Variants in CRY1 observed in about 807,000 individuals in gnomAD.
CRY1 encodes the protein cryptochrome circadian regulator 1, also known as cryptochrome-1.
A neutral mutation model predicts 76.0 loss-of-function variants in CRY1; 45 were observed. The observed-to-expected ratio is 0.59, with a 90% CI of 0.47 to 0.76. The LOEUF (loss-of-function observed/expected upper bound fraction) is 0.76. Among genes scored for constraint, CRY1 ranks in the 30% least tolerant of loss-of-function variants. The probability of loss-of-function intolerance (pLI) is 0.00; values close to 1 mark genes in which losing one functional copy is unlikely to be tolerated. For synonymous variants in CRY1, 248 were observed against 244.0 expected (o/e 1.02, Z -0.15); for missense variants, 587 against 716.4 (o/e 0.82, Z 2.06).
chr12:107,067,552 C>A (rs1346516166), intron 1 of CRY1, among the ~76,000 whole-genome samples: 1 of 150,398 alleles, frequency 6.6e-6, no homozygotes, highest in African/African-American at 2.5e-5. Flanking sequence ...AGACTTTTCT[C>A]TTTTCAAAGG....
At chr12:107,047,724 C>T (rs1036215039) in intron 1 of CRY1, among the ~76,000 whole-genome samples, 82 of 152,242 alleles carry the variant, frequency 5.4e-4, no homozygotes, top group African/African-American at 1.9e-3. Context: ...TCAATTAAAC[C>T]TCTTTTCTTT....
chr12:107,009,560 AAAC>A lies in CRY1; in HGVS notation c.268-4315_268-4313del, dbSNP rs1466317628. 1.3e-4 allele frequency among the ~76,000 whole-genome samples: 4 copies of A among 31,074 alleles called. 1 individual carries two copies. Among genetic ancestry groups the A allele is most frequent in the South Asian group, 1.4e-3 (1 of 690 alleles). The allele number at this position is 31,074 out of a possible 152,430, so 20.4% of individuals were successfully genotyped here. On this transcript the variant is annotated intron_variant, in intron 2 of 12. Coordinates refer to ENST00000008527, the MANE Select transcript of CRY1 (RefSeq NM_004075.5). ...TCTCAGAAAAAACAAAAAAACAAAA[AAAC>A]ATATATATATATATATATATATATA...
chr12:107,057,950 G>C (rs1953003535), intron 1 of CRY1, among the ~76,000 whole-genome samples: 1 of 151,744 alleles, frequency 6.6e-6, no homozygotes, highest in African/African-American at 2.4e-5. Context: ...TGTGGTCCCA[G>C]TTACTCAGGA....
chr12:107,001,403 C>T (rs771544337), intron 4 of CRY1, 35 bp from the exon 5 acceptor site: 33 of 1,532,312 alleles, frequency 2.2e-5, no homozygotes, highest in Admixed American at 7.7e-5. Flanking sequence ...ATCATTCTTC[C>T]GAAACTAATT....
chr12:107,068,680 T>C (rs1593536336), intron 1 of CRY1, among the ~76,000 whole-genome samples: 1 of 152,116 alleles, frequency 6.6e-6, no homozygotes, highest in African/African-American at 2.4e-5. Context: ...TCTATCTAGT[T>C]CCAAAACATT....
chr12:107,030,773 G>A (rs1238251063), intron 1 of CRY1, among the ~76,000 whole-genome samples: 2 of 152,040 alleles, frequency 1.3e-5, no homozygotes, highest in African/African-American at 2.4e-5. Flanking sequence ...CTAACTGTGT[G>A]GGGGTGGGGA....
chr12:107,015,365 G>A (rs1429461805), intron 2 of CRY1, among the ~76,000 whole-genome samples: 6 of 149,952 alleles, frequency 4.0e-5, no homozygotes, highest in African/African-American at 2.5e-5. Flanking sequence ...TTTGAGACAA[G>A]GTCTCACTCT....
intron 1 of CRY1, among the ~76,000 whole-genome samples, chr12:107,026,720 T>C (rs1952620222): frequency 6.6e-6 from 1 of 151,686 alleles, no homozygotes; most frequent in Non-Finnish European, 1.5e-5. Flanking sequence ...TAGCACATGG[T>C]AGATATGTAT....
chr12:106,998,659 AAC>A (rs10522970), intron 7 of CRY1, among the ~76,000 whole-genome samples: 3,350 of 143,380 alleles, frequency 0.023, 44 homozygotes, highest in African/African-American at 0.045. Context: ...TAAGAGATTA[AAC>A]ACACACACAC....
intron 1 of CRY1, among the ~76,000 whole-genome samples, chr12:107,074,593 T>C (rs2136895431): frequency 6.6e-6 from 1 of 152,338 alleles, no homozygotes; most frequent in African/African-American, 2.4e-5. Context: ...GAATGAATTT[T>C]ATGTCAAATT....
chr12:106,993,511 C>T (rs975818693), intron 10 of CRY1, among the ~76,000 whole-genome samples: 8 of 151,718 alleles, frequency 5.3e-5, no homozygotes, highest in Non-Finnish European at 7.4e-5. Flanking sequence ...CTAGCCTAAG[C>T]AATCCTATCA....
intron 1 of CRY1, among the ~76,000 whole-genome samples, chr12:107,039,750 T>C (rs1009449605): frequency 2.6e-5 from 4 of 152,278 alleles, no homozygotes; most frequent in South Asian, 2.1e-4. Flanking sequence ...GAAAAAAGCA[T>C]AGAGGTTCCT....
intron 1 of CRY1, chr12:107,049,843 T>C (rs956326947): frequency 6.6e-5 from 10 of 152,232 alleles, no homozygotes; most frequent in African/African-American, 2.4e-4. Context: ...ATGTATTTAG[T>C]TTGAAGTGCC....
chr12:107,032,577 C>A (rs1026226427), intron 1 of CRY1, among the ~76,000 whole-genome samples: 9 of 152,092 alleles, frequency 5.9e-5, no homozygotes, highest in Non-Finnish European at 1.3e-4. Context: ...AGACTTCAGG[C>A]CAGGCACGGT....
rs1952306304 is a variant in CRY1 at position 107,001,270 on chromosome 12, A to C, written c.684+10T>G. On this transcript the variant is annotated intron_variant, in intron 5 of 12. Transcript: ENST00000008527. Reference sequence around the variant, plus strand: ...ATACAAGCATAGCTATATAATCTACATTATCATACTTTTCTTTCCAAATGC... The same window carrying C: ...ATACAAGCATAGCTATATAATCTACCTTATCATACTTTTCTTTCCAAATGC... 2 of 1,600,180 alleles carry C rather than the reference A, an allele frequency of 1.2e-6. No individual in the cohort carries two copies. The highest frequency in any genetic ancestry group is 1.7e-6 in the Non-Finnish European group (2 of 1,170,354).
chr12:107,042,117 C>A (rs1402813740), intron 1 of CRY1, among the ~76,000 whole-genome samples: 1 of 152,054 alleles, frequency 6.6e-6, no homozygotes, highest in Non-Finnish European at 1.5e-5. Context: ...TGAGTCTGTA[C>A]TTTTATAAAT....
At chr12:107,027,768 C>T (rs1013671408) in intron 1 of CRY1, among the ~76,000 whole-genome samples, 6 of 152,058 alleles carry the variant, frequency 3.9e-5, no homozygotes, top group African/African-American at 9.7e-5. Context: ...AACCAGTGGA[C>T]GGTTTAGTAT....
chr12:107,026,004 T>C (rs985507358), intron 1 of CRY1, among the ~76,000 whole-genome samples: 5 of 149,564 alleles, frequency 3.3e-5, no homozygotes, highest in Non-Finnish European at 5.9e-5. Context: ...TCTTCCATCT[T>C]AAAGTCACTT....
intron 1 of CRY1, among the ~76,000 whole-genome samples, chr12:107,052,748 T>C (rs1038956298): frequency 3.2e-4 from 48 of 152,188 alleles, no homozygotes; most frequent in African/African-American, 1.1e-3. Flanking sequence ...GTGAAGAACA[T>C]GCATGGCACT....
Sources: gnomAD v4.1 joint callset for allele counts (sites outside exome capture counted in the v4.1 genomes callset) on GRCh38, gnomAD v4.1.1 for gene constraint, MANE v1.5 for transcripts, NCBI Gene and HGNC (gene_info 2026-07-23, HGNC 2026-07-21) for gene names.